ERMARD: variants seen among roughly 807,000 people sequenced by gnomAD.
ERMARD encodes the protein endoplasmic reticulum membrane-associated RNA degradation protein.
Under a neutral mutation model 83.9 loss-of-function variants are expected in ERMARD, and 71 were observed. The ratio of observed to expected loss-of-function variants is 0.85; its 90% CI spans 0.70 to 1.03. ERMARD has a LOEUF of 1.03. Among genes scored for constraint, ERMARD ranks in the 50% least tolerant of loss-of-function variants. The pLI, the probability that ERMARD is intolerant of heterozygous loss-of-function variation, is 0.00. For synonymous variants in ERMARD, 284 were observed against 298.6 expected, an observed-to-expected ratio of 0.95 and a Z score of 0.50; for missense variants, 838 against 810.9, an observed-to-expected ratio of 1.03 and a Z score of -0.41.
rs747643147 is a variant in ERMARD, at chr6:169,776,409, C to T, written c.1521-46C>T. ...GCAGGTGCAGAAGGAGAGTGAGGCC[C>T]AGGTGAGGATCATGATGCCTGCTCC... is the stretch of plus-strand genomic sequence containing the variant. On this transcript the variant is annotated intron_variant, in intron 15 of 17. Transcript: ENST00000366773. 4 of 1,590,700 alleles carry T rather than the reference C, an allele frequency of 2.5e-6. No homozygotes were observed. In the South Asian group the frequency reaches 4.6e-5, roughly 18 times the overall value.
chr6:169,776,642 C>T lies in ERMARD; in HGVS notation c.1708C>T (p.Gln570Ter), dbSNP rs748237304. ...QWVERTLRSR[Q>*]RQNYLRMWSS... ...GGTGGAAAGGACGCTGCGGTCTCGC[C>T]AGCGGCAGAACTACCTGCGTATGTG... Residue 570 changes from glutamine (Q) to a stop codon, truncating the protein, a stop_gained, in exon 16 of 18, where the codon CAG becomes TAG. Coordinates refer to ENST00000366773, the MANE Select transcript of ERMARD (RefSeq NM_018341.3). LOFTEE classifies it high-confidence loss of function. The T allele has an allele frequency of 4.0e-5, 64 of 1,613,952 alleles. No individual in the cohort carries two copies. Among genetic ancestry groups the T allele is most frequent in the Non-Finnish European group, 5.2e-5 (61 of 1,180,040 alleles).
rs769372457 is a variant in ERMARD, at chr6:169,775,998, G to A, written c.1453G>A (p.Glu485Lys). 4 of 1,614,218 alleles carry A rather than the reference G, an allele frequency of 2.5e-6. No homozygotes were observed. Among genetic ancestry groups the A allele is most frequent in the Non-Finnish European group, 8.5e-7 (1 of 1,180,036 alleles). Residue 485 changes from glutamate to lysine, a missense_variant, in exon 15 of 18, where the codon GAG (glutamate) becomes AAG (lysine). By Grantham distance (56) the Glu-to-Lys change is moderately conservative. Coordinates refer to ENST00000366773, the MANE Select transcript of ERMARD (RefSeq NM_018341.3). ...CTCTTTGATTACAAAAATGACGGAT[G>A]AGCTGTATCACCATATGCCTGAGAA... ...CHSLITKMTDELYHHMPENRC... is the reference protein window; with the variant it reads ...CHSLITKMTDKLYHHMPENRC...
chr6:169,754,072 C>A lies in ERMARD; in HGVS notation c.175+40C>A, dbSNP rs376057280. On this transcript the variant is annotated intron_variant, in intron 2 of 17. Coordinates refer to ENST00000366773, the MANE Select transcript of ERMARD (RefSeq NM_018341.3). ...TGTACTCCAAACTTTCATAACTGTC[C>A]CATTGAAAATGTCTTGACCTGTAAA... 3.2e-6 allele frequency: 5 copies of A among 1,552,432 alleles called. No homozygotes were observed. The African/African-American group carries it at 4.1e-5, about 13-fold the overall frequency.
chr6:169,780,040 T>A (rs1794030003), intron 17 of ERMARD, among the ~76,000 whole-genome samples: 1 of 152,226 alleles, frequency 6.6e-6, no homozygotes, highest in African/African-American at 2.4e-5. Flanking sequence ...GCCAGGCACC[T>A]CAGTACATGT....
chr6:169,756,738 A>G lies in ERMARD; in HGVS notation c.437A>G (p.Lys146Arg). ...TTTTAGGTATTTTTACTGATTGGGA[A>G]GGAATGCCCCTTTCTTTTAAGAGAT... is the stretch of plus-strand genomic sequence containing the variant. ...ALGDVFLLIG[K>R]ECPFLLRDLL... is the part of the protein sequence containing the mutation. The change falls in exon 5 of 18, where the codon AAG becomes AGG. Residue 146 changes from lysine (K) to arginine (R), a missense_variant. By Grantham distance (26) the Lys-to-Arg change is conservative. Transcript: ENST00000366773. 3 of 1,613,998 alleles carry G rather than the reference A, an allele frequency of 1.9e-6. No individual in the cohort carries two copies. Among genetic ancestry groups the G allele is most frequent in the Non-Finnish European group, 2.5e-6 (3 of 1,179,996 alleles).
intron 1 of ERMARD, chr6:169,751,978 C>T (rs1180868057): frequency 1.2e-5 from 5 of 419,296 alleles, no homozygotes; most frequent in African/African-American, 2.1e-5. Flanking sequence ...GGCGGAAAGC[C>T]GCAGGTCGGG....
intron 9 of ERMARD, among the ~76,000 whole-genome samples, chr6:169,764,021 G>A (rs1017370214): frequency 2.6e-5 from 4 of 151,984 alleles, no homozygotes; most frequent in Non-Finnish European, 4.4e-5. Context: ...CGCTCCCTCT[G>A]TCATCTCAGC....
intron 8 of ERMARD, 63 bp from the exon 9 acceptor site, chr6:169,762,366 C>A: frequency 6.8e-7 from 1 of 1,469,296 alleles, no homozygotes. Context: ...TGAGCCACTG[C>A]ACCTGGCCTA....
At chr6:169,768,227 A>C (rs1792460084) in intron 11 of ERMARD, 56 bp downstream of exon 11, 1 of 1,475,658 alleles carries the variant, frequency 6.8e-7, no homozygotes, top group South Asian at 1.2e-5. Flanking sequence ...TGTCGTCAGC[A>C]CTTCTCTAAA....
intron 3 of ERMARD, 138 bp downstream of exon 3, chr6:169,755,560 C>G (rs544603712): frequency 5.5e-6 from 6 of 1,081,880 alleles, no homozygotes; most frequent in Middle Eastern, 3.1e-4. Context: ...GTAAGAGAAC[C>G]CTGGGCTATT....
At chr6:169,757,385 G>A (rs899440207) in intron 5 of ERMARD, among the ~76,000 whole-genome samples, 4 of 152,070 alleles carry the variant, frequency 2.6e-5, no homozygotes, top group African/African-American at 4.8e-5. Flanking sequence ...GCACCACAGG[G>A]CCAATGTGAA....
chr6:169,777,857 G>A (rs1230054951), intron 16 of ERMARD, among the ~76,000 whole-genome samples: 2 of 151,576 alleles, frequency 1.3e-5, no homozygotes, highest in African/African-American at 2.4e-5. Context: ...ACTTACTGTC[G>A]AGCACTTGTA....
intron 15 of ERMARD, 127 bp downstream of exon 15, chr6:169,776,192 C>T: frequency 4.6e-6 from 7 of 1,523,594 alleles, no homozygotes; most frequent in Non-Finnish European, 6.3e-6. Context: ...ACTGTTACTG[C>T]TCCAGGAGGA....
intron 2 of ERMARD, 137 bp from the exon 3 acceptor site, chr6:169,755,146 C>T: frequency 2.0e-6 from 2 of 980,444 alleles, no homozygotes; most frequent in South Asian, 1.7e-5. Context: ...AAAAGTATAT[C>T]ATATGTTCAA....
chr6:169,773,399 A>G lies in ERMARD; in HGVS notation c.1314A>G (p.Lys438=), dbSNP rs764136153. 1 of 1,614,204 alleles carries G rather than the reference A, an allele frequency of 6.2e-7. No homozygotes were observed. Among genetic ancestry groups the G allele is most frequent in the African/African-American group, 1.3e-5 (1 of 75,060 alleles). ...SRCHPVFQLK[K]QVLSCEESIR... Reference sequence around the variant, plus strand: ...GTCATCCGGTTTTTCAGCTTAAAAAACAGGTATGCCAAATGCAGGGTCCCG... The same window carrying G: ...GTCATCCGGTTTTTCAGCTTAAAAAGCAGGTATGCCAAATGCAGGGTCCCG... The change falls in exon 13 of 18, where the codon AAA becomes AAG. Residue 438 remains lysine (K), a synonymous_variant. Transcript: ENST00000366773.
intron 16 of ERMARD, among the ~76,000 whole-genome samples, chr6:169,778,339 G>A (rs1793825257): frequency 6.6e-6 from 1 of 152,238 alleles, no homozygotes; most frequent in Non-Finnish European, 1.5e-5. Context: ...ATGTGGAAAT[G>A]TGGGTTCTAT....
At chr6:169,751,334 C>T, upstream of ERMARD, 1 of 1,613,454 alleles carries the variant, frequency 6.2e-7, no homozygotes, top group Non-Finnish European at 8.5e-7. Context: ...AGTCTCCGCA[C>T]TCACTGCCTC....
At chr6:169,765,795 T>C (rs1792118407) in intron 9 of ERMARD, among the ~76,000 whole-genome samples, 1 of 152,244 alleles carries the variant, frequency 6.6e-6, no homozygotes, top group African/African-American at 2.4e-5. Context: ...AATCCTGATT[T>C]CATCACATCA....
At chr6:169,766,879 A>G in intron 10 of ERMARD, 1 of 465,166 alleles carries the variant, frequency 2.1e-6, no homozygotes, top group Non-Finnish European at 3.7e-6. Context: ...AGCTATCCAA[A>G]GCTCAAAGTT....
Sources: gnomAD v4.1 joint callset for allele counts (sites outside exome capture counted in the v4.1 genomes callset) on GRCh38, gnomAD v4.1.1 for gene constraint, MANE v1.5 for transcripts, NCBI Gene and HGNC (gene_info 2026-07-23, HGNC 2026-07-21) for gene names.